The following PKIG variants were observed in gnomAD, a reference collection of about 807,000 sequenced individuals.
The protein encoded by PKIG is cAMP-dependent protein kinase inhibitor gamma.
Under a neutral mutation model 6.8 loss-of-function variants are expected in PKIG, and 1 was observed. That is an observed-to-expected ratio of 0.15 (90% confidence interval 0.05 to 0.69). PKIG has a LOEUF of 0.69. Ranked by LOEUF, PKIG falls within the 30% of genes least tolerant of loss-of-function variation. The pLI is 0.82. For missense variants in PKIG, 77 were observed against 104.0 expected (o/e 0.74, Z 1.13); for synonymous variants, 39 against 43.0 (o/e 0.91, Z 0.36).
chr20:44,542,996 G>A (rs1294457891), intron 1 of PKIG, among the ~76,000 whole-genome samples: 3 of 152,244 alleles, frequency 2.0e-5, no homozygotes, highest in African/African-American at 2.4e-5. Flanking sequence ...CACTCTCAGA[G>A]AAATGGTCGC....
chr20:44,563,851 A>C (rs1054677015), intron 1 of PKIG, among the ~76,000 whole-genome samples: 2 of 152,150 alleles, frequency 1.3e-5, no homozygotes, highest in Admixed American at 6.6e-5. Context: ...CCAGTTTCTA[A>C]AATCTCTTTA....
upstream of PKIG, among the ~76,000 whole-genome samples, chr20:44,580,751 G>C (rs1393878549): frequency 6.6e-6 from 1 of 152,132 alleles, no homozygotes; most frequent in Non-Finnish European, 1.5e-5. Context: ...CTGTTTTCTT[G>C]GATGTTTTCT....
rs144658073 is a variant in PKIG at position 44,591,287 on chromosome 20, C to G, written c.-24+1421C>G. ...CCAAACACAGTGCAGAGGGGGTTCCCTGGCTGGAGTTGAGTCTGGAGGTGT... is the reference window on the plus strand; with the variant it reads ...CCAAACACAGTGCAGAGGGGGTTCCGTGGCTGGAGTTGAGTCTGGAGGTGT... On this transcript the variant is annotated intron_variant, in intron 2 of 3. Coordinates refer to ENST00000372886, the MANE Select transcript of PKIG (RefSeq NM_001281445.2). Among the ~76,000 whole-genome samples the G allele has an allele frequency of 4.5e-4, 68 of 152,260 alleles. 1 individual carries two copies. The highest frequency in any genetic ancestry group is 6.8e-3 in the Middle Eastern group (2 of 294).
At chr20:44,605,876 C>T (rs2065160023) in intron 2 of PKIG, among the ~76,000 whole-genome samples, 1 of 152,168 alleles carries the variant, frequency 6.6e-6, no homozygotes, top group Non-Finnish European at 1.5e-5. Context: ...GGCACCGCTA[C>T]ACTCCAGCCT....
chr20:44,611,963 T>C (rs1456163112), intron 2 of PKIG, among the ~76,000 whole-genome samples: 1 of 151,976 alleles, frequency 6.6e-6, no homozygotes, highest in Non-Finnish European at 1.5e-5. Flanking sequence ...CATTCTTTTT[T>C]ATGGCTGAAT....
intron 2 of PKIG, among the ~76,000 whole-genome samples, chr20:44,590,563 A>G (rs924656507): frequency 3.3e-5 from 5 of 152,228 alleles, no homozygotes; most frequent in Non-Finnish European, 5.9e-5. Flanking sequence ...GTATTTATCA[A>G]CAAATCTGGT....
chr20:44,618,355 C>G lies in PKIG; in HGVS notation c.222C>G (p.Thr74=), dbSNP rs1400500777. Reference sequence around the variant, plus strand: ...AGCCCCAGAGCAGCGATGGGACCACCTCGTCTTGAATCTGACCTTGTCCAA... The same window carrying G: ...AGCCCCAGAGCAGCGATGGGACCACGTCGTCTTGAATCTGACCTTGTCCAA... ...GNQPQSSDGT[T]SS The change falls in exon 4 of 4, where the codon ACC becomes ACG. Residue 74 remains threonine (T), a synonymous_variant. Transcript: ENST00000372886. The G allele has an allele frequency of 5.6e-6, 9 of 1,610,070 alleles. No individual in the cohort carries two copies. In the Admixed American group the frequency reaches 1.5e-4, roughly 27 times the overall value.
At chr20:44,584,401 G>A (rs534563158) in intron 1 of PKIG, among the ~76,000 whole-genome samples, 1 of 147,260 alleles carries the variant, frequency 6.8e-6, no homozygotes, top group Non-Finnish European at 1.5e-5. Context: ...GAAGAAGGGG[G>A]AAAATCCCTC....
intron 1 of PKIG, among the ~76,000 whole-genome samples, chr20:44,566,310 A>G (rs926092138): frequency 6.6e-6 from 1 of 152,194 alleles, no homozygotes; most frequent in African/African-American, 2.4e-5. Context: ...TGAAGTACTT[A>G]CTGTCTATCC....
At chr20:44,543,208 G>A (rs1458134900) in intron 1 of PKIG, among the ~76,000 whole-genome samples, 2 of 152,108 alleles carry the variant, frequency 1.3e-5, no homozygotes, top group Non-Finnish European at 2.9e-5. Flanking sequence ...AGGATTGCAT[G>A]AAATAAAGGG....
intron 3 of PKIG, 118 bp from the exon 4 acceptor site, chr20:44,618,167 C>A (rs67308411): frequency 3.6e-6 from 2 of 550,540 alleles, no homozygotes; most frequent in East Asian, 3.0e-5. Flanking sequence ...AGCTCCAGCT[C>A]GTCTTGCTCC....
At chr20:44,558,630 C>A (rs1485883512) in intron 1 of PKIG, among the ~76,000 whole-genome samples, 5 of 120,270 alleles carry the variant, frequency 4.2e-5, no homozygotes, top group African/African-American at 1.8e-4. Context: ...CTTTCTTTTT[C>A]ATTCTTTCTT....
chr20:44,593,677 C>T (rs2065052927), intron 2 of PKIG, among the ~76,000 whole-genome samples: 1 of 152,010 alleles, frequency 6.6e-6, no homozygotes, highest in African/African-American at 2.4e-5. Context: ...TTTTGGCGAC[C>T]TAATGTACAG....
chr20:44,597,829 C>T (rs1467154636), intron 2 of PKIG, among the ~76,000 whole-genome samples: 2 of 152,202 alleles, frequency 1.3e-5, no homozygotes, highest in Non-Finnish European at 2.9e-5. Context: ...GACTTCCTTG[C>T]TTTCCTGCCC....
chr20:44,578,725 C>T (rs2064921906), upstream of PKIG, among the ~76,000 whole-genome samples: 1 of 152,244 alleles, frequency 6.6e-6, no homozygotes, highest in South Asian at 2.1e-4. Flanking sequence ...TATTCAGCCT[C>T]AGGTATTCCT....
rs1047399112 is a variant in PKIG at position 44,598,441 on chromosome 20, T to C, written c.-24+8575T>C. Among the ~76,000 whole-genome samples the C allele has an allele frequency of 3.3e-5, 5 of 152,288 alleles. No individual in the cohort carries two copies. The East Asian group carries it at 9.6e-4, about 29-fold the overall frequency. On this transcript the variant is annotated intron_variant, in intron 2 of 3. Transcript: ENST00000372886. ...ACATGTTTCAGAACCACCACAGAGA[T>C]ACCCAGTTTCCCCCTTCATTCCACA...
intron 1 of PKIG, among the ~76,000 whole-genome samples, chr20:44,535,980 A>G (rs2064508797): frequency 6.6e-6 from 1 of 152,184 alleles, no homozygotes; most frequent in East Asian, 1.9e-4. Flanking sequence ...CCTCCCCACC[A>G]GCCCTTGGCA....
At chr20:44,570,014 A>G (rs1002725400) in intron 1 of PKIG, among the ~76,000 whole-genome samples, 13 of 152,158 alleles carry the variant, frequency 8.5e-5, no homozygotes, top group Admixed American at 2.6e-4. Flanking sequence ...CTGTAGTCCT[A>G]GTTATTCCAG....
intron 2 of PKIG, among the ~76,000 whole-genome samples, chr20:44,610,492 T>TCACACACACACA (rs1568835327): frequency 6.9e-5 from 8 of 116,050 alleles, no homozygotes; most frequent in African/African-American, 3.3e-4. Context: ...CTCTTCTCTC[T>TCACACACACACA]CTCTCTCTCA....
Sources: gnomAD v4.1 joint callset for allele counts (sites outside exome capture counted in the v4.1 genomes callset) on GRCh38, gnomAD v4.1.1 for gene constraint, MANE v1.5 for transcripts, NCBI Gene and HGNC (gene_info 2026-07-23, HGNC 2026-07-21) for gene names.